PRKN: variants seen among roughly 807,000 people sequenced by gnomAD.
PRKN encodes E3 ubiquitin-protein ligase parkin.
Under a neutral mutation model 59.5 loss-of-function variants are expected in PRKN, and 56 were observed. That is an observed-to-expected ratio of 0.94 (90% CI 0.76 to 1.18). The LOEUF is 1.18. Among genes scored for constraint, PRKN ranks in the 50% most tolerant of loss-of-function variants. The pLI is 0.00. For synonymous variants in PRKN, 250 were observed against 222.1 expected (o/e 1.13, Z -1.12); for missense variants, 657 against 596.4 (o/e 1.10, Z -1.06).
At chr6:162,230,043 G>A (rs1778356000) in intron 3 of PRKN, among the ~76,000 whole-genome samples, 1 of 152,136 alleles carries the variant, frequency 6.6e-6, no homozygotes, top group Non-Finnish European at 1.5e-5. Context: ...ATAATTGAAT[G>A]TGCATCCCTT....
intron 2 of PRKN, among the ~76,000 whole-genome samples, chr6:162,282,633 A>T (rs1206840093): frequency 6.6e-6 from 1 of 152,246 alleles, no homozygotes; most frequent in Non-Finnish European, 1.5e-5. Context: ...GCTGCCATTC[A>T]TACATACAAT....
chr6:161,640,880 G>A (rs935025131), intron 7 of PRKN, among the ~76,000 whole-genome samples: 2 of 152,246 alleles, frequency 1.3e-5, no homozygotes, highest in Non-Finnish European at 2.9e-5. Flanking sequence ...GTGCTGTGCT[G>A]AATAAATTAA....
intron 1 of PRKN, among the ~76,000 whole-genome samples, chr6:162,528,139 G>C (rs185781453): frequency 6.6e-6 from 1 of 151,858 alleles, no homozygotes; most frequent in East Asian, 1.9e-4. Flanking sequence ...TGGCTAACAC[G>C]GTGAAACCCT....
intron 1 of PRKN, among the ~76,000 whole-genome samples, chr6:162,515,943 C>T (rs1696147996): frequency 6.6e-6 from 1 of 152,194 alleles, no homozygotes. Context: ...GTCCCAGGAA[C>T]GCCCTGAAGT....
At chr6:161,490,357 C>G (rs1328956972) in intron 9 of PRKN, among the ~76,000 whole-genome samples, 1 of 150,194 alleles carries the variant, frequency 6.7e-6, no homozygotes. Context: ...CTCTCTCTCT[C>G]TCCCTCTCTC....
rs1342692486 is a variant in PRKN, at chr6:162,472,512, G to A, written c.8-29039C>T. On this transcript the variant is annotated intron_variant, in intron 1 of 11. Transcript: ENST00000366898. ...ATTTTATTTTTTGAGACGGAGTCTC[G>A]CTCTGTCGCCCAGGCCAGACTGCGG... 8.3e-5 allele frequency among the ~76,000 whole-genome samples: 9 copies of A among 108,550 alleles called. 3 individuals carry two copies. In the South Asian group the frequency reaches 9.7e-4, roughly 12 times the overall value. 71.2% of individuals were successfully genotyped at this position (108,550 alleles called of 152,430 possible). A position where few individuals can be genotyped will look rare whatever the true frequency, so the allele number is the denominator to read the frequency against.
At chr6:161,790,467 G>A (rs980703089) in intron 6 of PRKN, among the ~76,000 whole-genome samples, 6 of 152,144 alleles carry the variant, frequency 3.9e-5, no homozygotes, top group South Asian at 2.1e-4. Flanking sequence ...CCCAAAATTC[G>A]TATGTTAAAA....
intron 7 of PRKN, among the ~76,000 whole-genome samples, chr6:161,662,945 CAT>C (rs1357112500): frequency 6.6e-6 from 1 of 152,210 alleles, no homozygotes; most frequent in Non-Finnish European, 1.5e-5. Flanking sequence ...ATAATCCCCA[CAT>C]GTCGTGGAAG....
At chr6:162,055,759 G>C (rs1456941386) in intron 4 of PRKN, among the ~76,000 whole-genome samples, 1 of 152,082 alleles carries the variant, frequency 6.6e-6, no homozygotes, top group African/African-American at 2.4e-5. Flanking sequence ...TTAAGTTGTA[G>C]GAGCTAAATC....
chr6:162,223,209 C>T (rs952771022), intron 3 of PRKN, among the ~76,000 whole-genome samples: 1 of 151,892 alleles, frequency 6.6e-6, no homozygotes, highest in African/African-American at 2.4e-5. Context: ...TATGGCTGCA[C>T]AGTATTCCAT....
chr6:161,532,162 CTCTCTATATA>C lies in PRKN; in HGVS notation c.1083+16682_1083+16691del, dbSNP rs1332359813. 2.2e-3 allele frequency among the ~76,000 whole-genome samples: 186 copies of C among 83,622 alleles called. 1 individual carries two copies. The highest frequency in any genetic ancestry group is 4.9e-3 in the East Asian group (9 of 1,840). The allele number at this position is 83,622 out of a possible 152,430, so 54.9% of individuals were successfully genotyped here. ...TTGCACTCTCTCTCTCTCTCTCTCT[CTCTCTATATA>C]TATATATATATATATATATAATCTA... On this transcript the variant is annotated intron_variant, in intron 9 of 11. Coordinates refer to ENST00000366898, the MANE Select transcript of PRKN (RefSeq NM_004562.3).
intron 2 of PRKN, among the ~76,000 whole-genome samples, chr6:162,279,167 A>T (rs1275854210): frequency 1.3e-5 from 2 of 151,294 alleles, no homozygotes; most frequent in East Asian, 3.9e-4. Flanking sequence ...CCTGACTCTG[A>T]CTCTACTAAA....
chr6:161,500,209 T>C (rs1482438508), intron 9 of PRKN, among the ~76,000 whole-genome samples: 1 of 152,098 alleles, frequency 6.6e-6, no homozygotes, highest in African/African-American at 2.4e-5. Flanking sequence ...TACAGAGAGC[T>C]CCCCTCTCCC....
At position 161,656,145 on chromosome 6, in the gene PRKN, G is replaced by T. The variant is rs140092327; in HGVS notation, c.872-86729C>A. Among the ~76,000 whole-genome samples the T allele has an allele frequency of 2.6e-4, 39 of 152,348 alleles. No homozygotes were observed. In the East Asian group the frequency reaches 7.3e-3, roughly 29 times the overall value. ...ACTTCAGAATATTAACTTGCGGGAA[G>T]ATGACATTCTGAAAGAAGACCTGTT... On this transcript the variant is annotated intron_variant, in intron 7 of 11. Coordinates refer to ENST00000366898, the MANE Select transcript of PRKN (RefSeq NM_004562.3).
intron 10 of PRKN, among the ~76,000 whole-genome samples, chr6:161,364,763 A>G: frequency 6.6e-6 from 1 of 152,006 alleles, no homozygotes; most frequent in East Asian, 1.9e-4. Context: ...CCTGGCCAAC[A>G]CAGCGAAACC....
intron 1 of PRKN, among the ~76,000 whole-genome samples, chr6:162,630,230 A>C (rs928071695): frequency 2.0e-5 from 3 of 152,168 alleles, no homozygotes; most frequent in Admixed American, 2.0e-4. Flanking sequence ...TGGTATCTGA[A>C]AGGCCCTTTT....
intron 1 of PRKN, among the ~76,000 whole-genome samples, chr6:162,608,819 T>A (rs545527396): frequency 6.6e-6 from 1 of 151,810 alleles, no homozygotes; most frequent in Admixed American, 6.6e-5. Flanking sequence ...ATGCAAAACA[T>A]GTGTGGGTGG....
At chr6:161,785,751 G>T (rs769355564) in intron 7 of PRKN, 21 bp downstream of exon 7, 1 of 1,612,434 alleles carries the variant, frequency 6.2e-7, no homozygotes, top group East Asian at 2.2e-5. Flanking sequence ...TAGAGATGGA[G>T]AGAAAACATG....
chr6:161,715,864 T>C (rs1329770362), intron 7 of PRKN, among the ~76,000 whole-genome samples: 1 of 152,172 alleles, frequency 6.6e-6, no homozygotes, highest in African/African-American at 2.4e-5. Flanking sequence ...GCTCTGCTGT[T>C]TGCCAGAGCA....
Sources: allele counts gnomAD v4.1 joint callset (sites outside exome capture counted in the v4.1 genomes callset), GRCh38; gene constraint gnomAD v4.1.1; transcripts MANE v1.5; gene names NCBI Gene and HGNC (gene_info 2026-07-23, HGNC 2026-07-21).